Variants in EPHA7 observed in about 807,000 individuals in gnomAD.
The protein encoded by EPHA7 is ephrin type-A receptor 7.
Under a neutral mutation model 112.6 loss-of-function variants are expected in EPHA7, and 25 were observed. The ratio of observed to expected loss-of-function variants is 0.22; its 90% CI spans 0.16 to 0.31. The LOEUF (loss-of-function observed/expected upper bound fraction) is 0.31, where lower values mean the gene tolerates loss of function less well. Among genes scored for constraint, EPHA7 ranks in the 10% least tolerant of loss-of-function variants. The pLI is 1.00. For synonymous variants in EPHA7, 437 were observed against 406.5 expected, an observed-to-expected ratio of 1.07 and a Z score of -0.90; for missense variants, 962 against 1,212.6, an observed-to-expected ratio of 0.79 and a Z score of 3.07.
chr6:93,389,970 T>G (rs1386852787), intron 3 of EPHA7, among the ~76,000 whole-genome samples: 1 of 151,932 alleles, frequency 6.6e-6, no homozygotes, highest in East Asian at 1.9e-4. Flanking sequence ...TGTCAGTGAA[T>G]TGGAAAATTT....
At chr6:93,314,662 AT>A (rs1773707171) in intron 5 of EPHA7, among the ~76,000 whole-genome samples, 1 of 152,190 alleles carries the variant, frequency 6.6e-6, no homozygotes, top group South Asian at 2.1e-4. Flanking sequence ...ATATAAAAAA[AT>A]CAAATGTTTA....
chr6:93,257,489 T>A lies in EPHA7; in HGVS notation c.2145A>T (p.Glu715Asp). 1 of 1,612,002 alleles carries A rather than the reference T, an allele frequency of 6.2e-7. No homozygotes were observed. ...TGAGAAATGCATCTAGGGCTCCATT[T>A]TCCATGAACTCTATTACTATCATGA... Reference protein sequence around the residue: ...KPVMIVIEFMENGALDAFLRK... With the variant: ...KPVMIVIEFMDNGALDAFLRK... Residue 715 changes from glutamate (E) to aspartate (D), a missense_variant, in exon 12 of 17, where the codon GAA (glutamate) becomes GAT (aspartate). This residue lies in a region of EPHA7 where 746 missense variants were observed against 889.2 expected (regional missense o/e 0.84). Transcript: ENST00000369303.
intron 7 of EPHA7, 88 bp downstream of exon 7, chr6:93,269,389 G>T: frequency 2.0e-6 from 2 of 997,132 alleles, no homozygotes; most frequent in Non-Finnish European, 2.9e-6. Context: ...AAATTATGAT[G>T]GTGCAAATGA....
At position 93,258,253 on chromosome 6, in the gene EPHA7, C is replaced by G. The variant is rs1206076675; in HGVS notation, c.1956G>C (p.Leu652Phe). Residue 652 changes from leucine (L) to phenylalanine (F), a missense_variant, in exon 11 of 17, where the codon TTG becomes TTC. By Grantham distance (22) the Leu-to-Phe change is conservative. Around this residue, in one of 3 missense-constraint regions of EPHA7, gnomAD observed 746 missense variants for 889.2 expected, o/e 0.84. Coordinates refer to ENST00000369303, the MANE Select transcript of EPHA7 (RefSeq NM_004440.4). ...GEFGEVCSGR[L>F]KLPGKRDVAV... The stretch of plus-strand genomic sequence containing the variant: ...CAACATCTCTTTTCCCTGGAAGTTT[C>G]AAACGGCCACTGCAGACTTCACCGA... The G allele has an allele frequency of 2.5e-6, 4 of 1,610,762 alleles. No homozygotes were observed. Among genetic ancestry groups the G allele is most frequent in the Non-Finnish European group, 3.4e-6 (4 of 1,178,308 alleles).
chr6:93,350,330 C>A (rs971254900), intron 5 of EPHA7, among the ~76,000 whole-genome samples: 3 of 152,058 alleles, frequency 2.0e-5, no homozygotes, highest in East Asian at 3.9e-4. Flanking sequence ...TATGGAGCTA[C>A]ATTTTTAAAG....
chr6:93,312,387 C>G (rs1312717368), intron 5 of EPHA7, among the ~76,000 whole-genome samples: 1 of 143,886 alleles, frequency 6.9e-6, no homozygotes, highest in Non-Finnish European at 1.5e-5. Context: ...CTTGCACTTT[C>G]ATGTTATGGA....
Position 93,315,904 on chromosome 6 carries a change from A to T in EPHA7, c.1324+40813T>A, listed in dbSNP as rs1434187741. On this transcript the variant is annotated intron_variant, in intron 5 of 16. Transcript: ENST00000369303. ...TGTTCTATTTTAAGAACCTAGTTGT[A>T]GGACTAGACCCCCTGGAATATGCAC... 2.0e-5 allele frequency among the ~76,000 whole-genome samples: 3 copies of T among 152,178 alleles called. No individual in the cohort carries two copies. The East Asian group carries it at 5.8e-4, about 29-fold the overall frequency.
At chr6:93,318,226 T>C (rs1453213922) in intron 5 of EPHA7, among the ~76,000 whole-genome samples, 1 of 152,186 alleles carries the variant, frequency 6.6e-6, no homozygotes, top group African/African-American at 2.4e-5. Context: ...AGTTTCCTTC[T>C]CTTGCTTTTA....
At chr6:93,300,302 C>T (rs991184334) in intron 5 of EPHA7, among the ~76,000 whole-genome samples, 1 of 152,004 alleles carries the variant, frequency 6.6e-6, no homozygotes, top group Admixed American at 6.6e-5. Flanking sequence ...ACATTTGTGG[C>T]AACATGCTGA....
At chr6:93,324,302 A>T (rs979197720) in intron 5 of EPHA7, among the ~76,000 whole-genome samples, 16 of 151,382 alleles carry the variant, frequency 1.1e-4, no homozygotes, top group African/African-American at 3.6e-4. Context: ...TTGAGCTCTG[A>T]TTATACAAGA....
intron 6 of EPHA7, among the ~76,000 whole-genome samples, chr6:93,270,766 T>TA (rs1250974991): frequency 6.6e-6 from 1 of 151,744 alleles, no homozygotes; most frequent in Non-Finnish European, 1.5e-5. Context: ...ATAAAAATGA[T>TA]AGTTTGTATT....
intron 3 of EPHA7, among the ~76,000 whole-genome samples, chr6:93,361,693 C>A (rs1275094166): frequency 2.6e-5 from 4 of 151,986 alleles, no homozygotes; most frequent in African/African-American, 9.7e-5. Flanking sequence ...CCTTCTGAAA[C>A]CTTAAATTCC....
chr6:93,385,285 T>C (rs949499603), intron 3 of EPHA7, among the ~76,000 whole-genome samples: 22 of 152,136 alleles, frequency 1.4e-4, no homozygotes, highest in African/African-American at 5.3e-4. Context: ...AATATATGTG[T>C]ACGCATATGA....
intron 3 of EPHA7, among the ~76,000 whole-genome samples, chr6:93,390,282 G>T (rs1051575645): frequency 2.2e-4 from 33 of 148,902 alleles, no homozygotes; most frequent in African/African-American, 7.4e-4. Flanking sequence ...TACAAGAAAA[G>T]AAAAAAATTA....
intron 3 of EPHA7, among the ~76,000 whole-genome samples, chr6:93,366,106 A>G (rs1005050861): frequency 2.0e-5 from 3 of 152,156 alleles, no homozygotes; most frequent in Non-Finnish European, 4.4e-5. Flanking sequence ...AATGATCACT[A>G]TAATTCTGAT....
chr6:93,298,117 G>C (rs1367430413), intron 5 of EPHA7, among the ~76,000 whole-genome samples: 1 of 151,972 alleles, frequency 6.6e-6, no homozygotes, highest in Admixed American at 6.6e-5. Flanking sequence ...AATTAAATAA[G>C]ACCAGAAAGT....
At chr6:93,402,431 T>C (rs1307516822) in intron 3 of EPHA7, among the ~76,000 whole-genome samples, 2 of 152,012 alleles carry the variant, frequency 1.3e-5, no homozygotes, top group Non-Finnish European at 2.9e-5. Context: ...AAGAAACTAA[T>C]AACAATAGTT....
chr6:93,356,992 T>G lies in EPHA7; in HGVS notation c.1049A>C (p.Glu350Ala). 6.2e-7 allele frequency: 1 copy of G among 1,614,100 alleles called. No homozygotes were observed. ...FNINQTTVSL[E>A]WSPPADNGGR... The stretch of plus-strand genomic sequence containing the variant: ...CCCATTGTCTGCAGGAGGACTCCAT[T>G]CCAAACTTACTGTGGTTTGGTTGAT... Residue 350 changes from glutamate to alanine, a missense_variant, in exon 5 of 17, where the codon GAA becomes GCA. Glu to Ala is a moderately radical substitution (Grantham distance 107, BLOSUM62 -1). Around this residue, in one of 3 missense-constraint regions of EPHA7, gnomAD observed 746 missense variants for 889.2 expected, o/e 0.84. Coordinates refer to ENST00000369303, the MANE Select transcript of EPHA7 (RefSeq NM_004440.4).
rs1298651557 is a variant in EPHA7 at position 93,242,524 on chromosome 6, G to A, written c.*902C>T. 2.0e-5 allele frequency: 4 copies of A among 200,840 alleles called. No individual in the cohort carries two copies. Among genetic ancestry groups the A allele is most frequent in the African/African-American group, 6.9e-5 (3 of 43,604 alleles). 12.4% of individuals were successfully genotyped at this position (200,840 alleles called of 1,614,324 possible). On this transcript the variant is annotated 3_prime_UTR_variant, in exon 17 of 17. Coordinates refer to ENST00000369303, the MANE Select transcript of EPHA7 (RefSeq NM_004440.4). Reference sequence around the variant, plus strand: ...ATAACACTGGATAGTTCTGCTTTCAGAGACTTGCCTTCACCAACATTCTTC... The same window carrying A: ...ATAACACTGGATAGTTCTGCTTTCAAAGACTTGCCTTCACCAACATTCTTC...
Sources: gnomAD v4.1 joint callset for allele counts (sites outside exome capture counted in the v4.1 genomes callset) on GRCh38, gnomAD v4.1.1 for gene constraint, gnomAD v4.1.1 regional missense constraint, MANE v1.5 for transcripts, NCBI Gene and HGNC (gene_info 2026-07-23, HGNC 2026-07-21) for gene names.